The following ANKRD12 variants were observed in gnomAD, a reference collection of about 807,000 sequenced individuals.
ANKRD12 encodes the protein ankyrin repeat domain-containing protein 12.
ANKRD12 carries 85 observed loss-of-function variants against 183.4 expected under a neutral mutation model. The ratio of observed to expected loss-of-function variants is 0.46; its 90% CI spans 0.39 to 0.56. The LOEUF (loss-of-function observed/expected upper bound fraction) is 0.56. ANKRD12 is among the 20% of genes least tolerant of loss of function. ANKRD12 has a pLI of 0.00. For missense variants in ANKRD12, 2,405 were observed against 2,357.1 expected, an observed-to-expected ratio of 1.02 and a Z score of -0.42; for synonymous variants, 914 against 800.2, an observed-to-expected ratio of 1.14 and a Z score of -2.40.
chr18:9,169,725 A>G (rs1243495743), intron 1 of ANKRD12, among the ~76,000 whole-genome samples: 2 of 152,118 alleles, frequency 1.3e-5, no homozygotes, highest in African/African-American at 2.4e-5. Context: ...TAAAGTTAAT[A>G]TTGTTACGTA....
At position 9,255,893 on chromosome 18, in the gene ANKRD12, C is replaced by T. The variant is rs777328203; in HGVS notation, c.2626C>T (p.His876Tyr). The part of the protein sequence containing the change: ...KIKEKDKLYS[H>Y]HTEKCHKEGE... ...AAAAGAAAAGGACAAGCTATATTCG[C>T]ATCACACAGAAAAATGCCATAAAGA... is the stretch of plus-strand genomic sequence containing the variant. The change falls in exon 9 of 13, where the codon CAT (histidine) becomes TAT (tyrosine). Residue 876 changes from histidine to tyrosine, a missense_variant. Physicochemically the swap from His to Tyr is moderately conservative, Grantham distance 83 (BLOSUM62 2). Coordinates refer to ENST00000262126, the MANE Select transcript of ANKRD12 (RefSeq NM_015208.5). 8 of 1,594,668 alleles carry T rather than the reference C, an allele frequency of 5.0e-6. No individual in the cohort carries two copies. The highest frequency in any genetic ancestry group is 3.3e-4 in the Middle Eastern group (2 of 5,988).
intron 9 of ANKRD12, among the ~76,000 whole-genome samples, chr18:9,263,302 C>A (rs943117873): frequency 6.6e-6 from 1 of 152,126 alleles, no homozygotes; most frequent in Non-Finnish European, 1.5e-5. Context: ...AGTTTGAAAA[C>A]AATTTCTCAG....
At chr18:9,159,433 T>C (rs1048136118) in intron 1 of ANKRD12, among the ~76,000 whole-genome samples, 1 of 152,094 alleles carries the variant, frequency 6.6e-6, no homozygotes, top group African/African-American at 2.4e-5. Flanking sequence ...TTTTTTACTT[T>C]TTTATTTTCA....
At chr18:9,260,500 C>G (rs2038902433) in intron 9 of ANKRD12, 1 of 152,122 alleles carries the variant, frequency 6.6e-6, no homozygotes, top group Non-Finnish European at 1.5e-5. Context: ...GTCAAATCTC[C>G]AAAATCAAAT....
At position 9,182,440 on chromosome 18, in the gene ANKRD12, A is replaced by T; in HGVS notation, c.8A>T (p.Lys3Ile). The T allele has an allele frequency of 6.2e-7, 1 of 1,610,750 alleles. No individual in the cohort carries two copies. Among genetic ancestry groups the T allele is most frequent in the Non-Finnish European group, 8.5e-7 (1 of 1,178,254 alleles). MP[K>I]SGFTKPIQSE... ...TAGCTGAACAGCTGTAAAATGCCCA[A>T]ATCTGGGTTCACAAAACCAATTCAG... Residue 3 changes from lysine (K) to isoleucine (I), a missense_variant, in exon 2 of 13, where the codon AAA (lysine) becomes ATA (isoleucine). By Grantham distance (102) the Lys-to-Ile change is moderately radical. Around this residue, in one of 7 missense-constraint regions of ANKRD12, gnomAD observed 145 missense variants for 145.6 expected, o/e 1.00. Coordinates refer to ENST00000262126, the MANE Select transcript of ANKRD12 (RefSeq NM_015208.5).
intron 8 of ANKRD12, among the ~76,000 whole-genome samples, chr18:9,245,991 C>T (rs984357656): frequency 1.3e-5 from 2 of 152,126 alleles, no homozygotes; most frequent in African/African-American, 2.4e-5. Context: ...CTGCCACTTA[C>T]TAGCTTTATG....
rs1383811526 is a variant in ANKRD12, at chr18:9,285,496, C to T, written c.*4370C>T. On this transcript the variant is annotated 3_prime_UTR_variant, in exon 13 of 13. Coordinates refer to ENST00000262126, the MANE Select transcript of ANKRD12 (RefSeq NM_015208.5). ...GTGTTTACAAGTTTAAAAGGCACCACCTATGCACTCATCACTCAAGAGAAT... is the reference window on the plus strand; with the variant it reads ...GTGTTTACAAGTTTAAAAGGCACCATCTATGCACTCATCACTCAAGAGAAT... 8 of 151,374 alleles carry T rather than the reference C, an allele frequency of 5.3e-5. No individual in the cohort carries two copies. The highest frequency in any genetic ancestry group is 1.0e-4 in the Non-Finnish European group (7 of 67,914). 9.4% of individuals were successfully genotyped at this position (151,374 alleles called of 1,614,324 possible). A position where few individuals can be genotyped will look rare whatever the true frequency, so the allele number is the denominator to read the frequency against.
chr18:9,212,558 T>C (rs909315236), intron 6 of ANKRD12, among the ~76,000 whole-genome samples: 1 of 152,090 alleles, frequency 6.6e-6, no homozygotes, highest in East Asian at 1.9e-4. Context: ...TAGCATTCCG[T>C]AGGCAACACT....
rs1166991489 is a variant in ANKRD12, at chr18:9,283,049, G to C, written c.*1923G>C. On this transcript the variant is annotated 3_prime_UTR_variant, in exon 13 of 13. Coordinates refer to ENST00000262126, the MANE Select transcript of ANKRD12 (RefSeq NM_015208.5). The stretch of plus-strand genomic sequence containing the variant: ...GAACATTAAAAGCTAATTTATAAAA[G>C]CAATACTTTTTAATATGAAAACTTA... 6.6e-6 allele frequency: 1 copy of C among 152,470 alleles called. No individual in the cohort carries two copies. The highest frequency in any genetic ancestry group is 2.4e-5 in the African/African-American group (1 of 41,408). The allele number at this position is 152,470 out of a possible 1,614,324, so 9.4% of individuals were successfully genotyped here. A position where few individuals can be genotyped will look rare whatever the true frequency, so the allele number is the denominator to read the frequency against.
At chr18:9,199,247 C>T (rs937580723) in intron 3 of ANKRD12, among the ~76,000 whole-genome samples, 1 of 152,140 alleles carries the variant, frequency 6.6e-6, no homozygotes, top group Admixed American at 6.5e-5. Flanking sequence ...GAGCTGTGAT[C>T]ATGCCACTGT....
chr18:9,149,818 C>G (rs1339710246), intron 1 of ANKRD12, among the ~76,000 whole-genome samples: 1 of 130,464 alleles, frequency 7.7e-6, no homozygotes, highest in African/African-American at 3.0e-5. Flanking sequence ...TTTTTTGAGA[C>G]GGAGTCTCAC....
intron 8 of ANKRD12, among the ~76,000 whole-genome samples, chr18:9,237,543 A>G (rs1346723267): frequency 6.6e-6 from 1 of 152,174 alleles, no homozygotes. Flanking sequence ...CTCACCATAA[A>G]CTATTGCACA....
In ANKRD12 at chr18:9,280,971, G is replaced by T; in HGVS notation, c.6034G>T (p.Ala2012Ser). 6.2e-7 allele frequency: 1 copy of T among 1,613,568 alleles called. No individual in the cohort carries two copies. The highest frequency in any genetic ancestry group is 8.5e-7 in the Non-Finnish European group (1 of 1,179,846). Residue 2012 changes from alanine to serine, a missense_variant, in exon 13 of 13, where the codon GCT (alanine) becomes TCT (serine). This residue lies in a region of ANKRD12 where 162 missense variants were observed against 272.2 expected (regional missense o/e 0.60). Coordinates refer to ENST00000262126, the MANE Select transcript of ANKRD12 (RefSeq NM_015208.5). Reference protein sequence around the residue: ...TCLLMRQQHEAAALNAVQRLE... With the variant: ...TCLLMRQQHESAALNAVQRLE... ...TCTTTTAATGAGGCAACAACATGAA[G>T]CTGCGGCTTTAAATGCTGTCCAGAG...
chr18:9,251,603 G>C (rs900932287), intron 8 of ANKRD12, among the ~76,000 whole-genome samples: 2 of 152,146 alleles, frequency 1.3e-5, no homozygotes, highest in African/African-American at 4.8e-5. Flanking sequence ...AGACCAGTCT[G>C]ACCAACATGG....
chr18:9,147,628 T>C (rs903268024), intron 1 of ANKRD12, among the ~76,000 whole-genome samples: 1 of 152,154 alleles, frequency 6.6e-6, no homozygotes, highest in African/African-American at 2.4e-5. Flanking sequence ...ACATCGTATA[T>C]AGTAGTGAGA....
chr18:9,175,031 T>C (rs779940161), intron 1 of ANKRD12, among the ~76,000 whole-genome samples: 39 of 152,222 alleles, frequency 2.6e-4, no homozygotes, highest in Non-Finnish European at 3.5e-4. Context: ...CTCGACTCAC[T>C]GCAACCTCCA....
At chr18:9,214,389 C>T (rs1054495344) in intron 6 of ANKRD12, among the ~76,000 whole-genome samples, 1 of 152,088 alleles carries the variant, frequency 6.6e-6, no homozygotes, top group African/African-American at 2.4e-5. Context: ...TATTATACTC[C>T]TGTAATAATT....
At chr18:9,187,557 A>G (rs968678631) in intron 2 of ANKRD12, among the ~76,000 whole-genome samples, 3 of 152,248 alleles carry the variant, frequency 2.0e-5, no homozygotes, top group African/African-American at 7.2e-5. Context: ...TAAGTAGAGC[A>G]TAACTTAAGT....
chr18:9,262,136 T>C (rs1483283483), intron 9 of ANKRD12, among the ~76,000 whole-genome samples: 1 of 152,214 alleles, frequency 6.6e-6, no homozygotes, highest in East Asian at 1.9e-4. Flanking sequence ...CAGTCTCTCA[T>C]AATGCTGATT....
Sources: allele counts gnomAD v4.1 joint callset (sites outside exome capture counted in the v4.1 genomes callset), GRCh38; gene constraint gnomAD v4.1.1; regional missense constraint gnomAD v4.1.1; transcripts MANE v1.5; gene names NCBI Gene and HGNC (gene_info 2026-07-23, HGNC 2026-07-21).